The following SRGAP1 variants were observed in gnomAD, a reference collection of about 807,000 sequenced individuals.
SRGAP1 encodes SLIT-ROBO Rho GTPase-activating protein 1.
A neutral mutation model predicts 121.9 loss-of-function variants in SRGAP1; 43 were observed. That is an observed-to-expected ratio of 0.35 (90% confidence interval 0.28 to 0.46). SRGAP1 has a LOEUF of 0.46. SRGAP1 is among the 20% of genes least tolerant of loss of function. The pLI is 1.00. For synonymous variants in SRGAP1, 447 were observed against 485.4 expected, an observed-to-expected ratio of 0.92 and a Z score of 1.04; for missense variants, 1,102 against 1,350.9, an observed-to-expected ratio of 0.82 and a Z score of 2.89.
intron 1 of SRGAP1, among the ~76,000 whole-genome samples, chr12:63,852,398 G>A (rs1899106108): frequency 6.6e-6 from 1 of 152,152 alleles, no homozygotes; most frequent in African/African-American, 2.4e-5. Context: ...ATTCCAAAGT[G>A]GACTAATCTT....
chr12:63,973,531 C>CAAGT (rs2033015025), intron 1 of SRGAP1, among the ~76,000 whole-genome samples: 1 of 152,142 alleles, frequency 6.6e-6, no homozygotes, highest in Non-Finnish European at 1.5e-5. Context: ...TAAACTGTAT[C>CAAGT]AAGTACTTAC....
intron 10 of SRGAP1, among the ~76,000 whole-genome samples, chr12:64,085,395 C>T (rs1297876726): frequency 6.6e-6 from 1 of 152,126 alleles, no homozygotes; most frequent in Non-Finnish European, 1.5e-5. Context: ...TGCAACATAA[C>T]AACATAATAC....
intron 3 of SRGAP1, among the ~76,000 whole-genome samples, chr12:64,002,526 G>A (rs1593025922): frequency 6.6e-6 from 1 of 152,174 alleles, no homozygotes; most frequent in African/African-American, 2.4e-5. Context: ...GGAGATTTCA[G>A]AAGGGGTAAA....
intron 1 of SRGAP1, among the ~76,000 whole-genome samples, chr12:63,915,787 G>T (rs1291380240): frequency 6.6e-6 from 1 of 152,112 alleles, no homozygotes; most frequent in African/African-American, 2.4e-5. Context: ...AATGTGATTT[G>T]CCCTGAAGAG....
At chr12:64,117,533 C>T (rs1162613294) in intron 18 of SRGAP1, among the ~76,000 whole-genome samples, 1 of 152,112 alleles carries the variant, frequency 6.6e-6, no homozygotes, top group Non-Finnish European at 1.5e-5. Flanking sequence ...TCAATCTTTT[C>T]CTTCATGGTA....
At chr12:64,128,750 T>A (rs1446116503) in intron 21 of SRGAP1, among the ~76,000 whole-genome samples, 1 of 152,192 alleles carries the variant, frequency 6.6e-6, no homozygotes, top group Admixed American at 6.5e-5. Flanking sequence ...AATAATGTGA[T>A]CAATAATAGA....
rs2036435718 is a variant in SRGAP1 at position 64,111,912 on chromosome 12, T to C, written c.2070T>C (p.His690=). Reference sequence around the variant, plus strand: ...TTATCAAAACCATCATCATCCACCATGAGACTATTTTCCCAGATGCTAAAG... The same window carrying C: ...TTATCAAAACCATCATCATCCACCACGAGACTATTTTCCCAGATGCTAAAG... ...NEIIKTIIIH[H]ETIFPDAKEL... is the part of the protein sequence containing the mutation. The change falls in exon 17 of 22, where the codon CAT becomes CAC. Residue 690 remains histidine (H), a synonymous_variant. Transcript: ENST00000355086. The C allele has an allele frequency of 1.2e-6, 2 of 1,613,800 alleles. No individual in the cohort carries two copies. Among genetic ancestry groups the C allele is most frequent in the African/African-American group, 2.7e-5 (2 of 74,920 alleles).
At chr12:64,084,300 G>T (rs745798607) in intron 10 of SRGAP1, among the ~76,000 whole-genome samples, 1 of 152,088 alleles carries the variant, frequency 6.6e-6, no homozygotes, top group Non-Finnish European at 1.5e-5. Context: ...GTTAAGCCTG[G>T]GTTATTTTTT....
chr12:64,129,975 G>GGTTGTT (rs57651653), intron 21 of SRGAP1, among the ~76,000 whole-genome samples: 213 of 151,234 alleles, frequency 1.4e-3, no homozygotes, highest in African/African-American at 2.8e-3. Flanking sequence ...AGCAGGTCGT[G>GGTTGTT]GTTGTTGTTG....
intron 1 of SRGAP1, among the ~76,000 whole-genome samples, chr12:63,849,577 T>A (rs753684714): frequency 2.6e-5 from 4 of 152,230 alleles, no homozygotes; most frequent in Non-Finnish European, 5.9e-5. Context: ...AAATAATACA[T>A]TTTAGTAGCA....
At chr12:63,937,229 A>G (rs924789306) in intron 1 of SRGAP1, among the ~76,000 whole-genome samples, 2 of 152,234 alleles carry the variant, frequency 1.3e-5, no homozygotes, top group Admixed American at 1.3e-4. Context: ...TAAGAATTCC[A>G]GGCTAGAGTT....
intron 1 of SRGAP1, among the ~76,000 whole-genome samples, chr12:63,865,474 G>A (rs949480778): frequency 7.2e-5 from 11 of 152,004 alleles, no homozygotes; most frequent in African/African-American, 2.7e-4. Context: ...GTCCCCACCC[G>A]CCGCTGCCAA....
In SRGAP1 at chr12:64,016,693, TTC is replaced by T. The variant is rs1439979889; in HGVS notation, c.427-251_427-250del. Among the ~76,000 whole-genome samples the T allele has an allele frequency of 2.6e-5, 4 of 152,320 alleles. No homozygotes were observed. The East Asian group carries it at 7.7e-4, about 29-fold the overall frequency. ...CATGACGCTTCAACCTGCTTACTTT[TTC>T]TCTCTTTTTGGTAAAGTCTGTTTGG... On this transcript the variant is annotated intron_variant, in intron 3 of 21. Coordinates refer to ENST00000355086, the MANE Select transcript of SRGAP1 (RefSeq NM_020762.4).
Position 64,161,369 on chromosome 12 carries a change from TCCTCC to T in SRGAP1, c.*18698_*18702del, listed in dbSNP as rs1418968684. 3 of 152,180 alleles carry T rather than the reference TCCTCC, an allele frequency of 2.0e-5. No homozygotes were observed. Among genetic ancestry groups the T allele is most frequent in the Non-Finnish European group, 4.4e-5 (3 of 68,030 alleles). The allele number at this position is 152,180 out of a possible 1,614,324, so 9.4% of individuals were successfully genotyped here. A position where few individuals can be genotyped will look rare whatever the true frequency, so the allele number is the denominator to read the frequency against. On this transcript the variant is annotated 3_prime_UTR_variant, in exon 22 of 22. Transcript: ENST00000355086. ...ACTGATCCTATAATTTTACTAATTT[TCCTCC>T]AGTTTTTCATCTATTTGACTTTTTG... is the stretch of plus-strand genomic sequence containing the variant.
chr12:63,852,335 G>A lies in SRGAP1; in HGVS notation c.67+7452G>A, dbSNP rs142394045. Among the ~76,000 whole-genome samples the A allele has an allele frequency of 2.4e-3, 365 of 152,298 alleles. 1 individual carries two copies. Among genetic ancestry groups the A allele is most frequent in the African/African-American group, 7.8e-3 (324 of 41,570 alleles). Reference sequence around the variant, plus strand: ...CTGTATCTTGTTGCATTCTGATTTAGATAGGTTTTTTGAAATTCAAATACG... The same window carrying A: ...CTGTATCTTGTTGCATTCTGATTTAAATAGGTTTTTTGAAATTCAAATACG... On this transcript the variant is annotated intron_variant, in intron 1 of 21. Transcript: ENST00000355086.
rs1218396085 is a variant in SRGAP1 at position 64,144,888 on chromosome 12, A to G, written c.*2216A>G. 1 of 113,476 alleles carries G rather than the reference A, an allele frequency of 8.8e-6. No individual in the cohort carries two copies. The highest frequency in any genetic ancestry group is 1.6e-5 in the Non-Finnish European group (1 of 61,216). 7.0% of individuals were successfully genotyped at this position (113,476 alleles called of 1,614,324 possible). On this transcript the variant is annotated 3_prime_UTR_variant, in exon 22 of 22. Coordinates refer to ENST00000355086, the MANE Select transcript of SRGAP1 (RefSeq NM_020762.4). ...GAGTTGGAGTCTTGCTCTGTCGCCC[A>G]GGCCAGAGTACAGTGGTGCAATCTC... is the stretch of plus-strand genomic sequence containing the variant.
chr12:63,880,368 A>T lies in SRGAP1; in HGVS notation c.67+35485A>T, dbSNP rs1256215812. 3.3e-5 allele frequency among the ~76,000 whole-genome samples: 5 copies of T among 152,036 alleles called. No homozygotes were observed. In the East Asian group the frequency reaches 7.7e-4, roughly 23 times the overall value. On this transcript the variant is annotated intron_variant, in intron 1 of 21. Coordinates refer to ENST00000355086, the MANE Select transcript of SRGAP1 (RefSeq NM_020762.4). ...TGACTCAGCCTCCCCAGCAGCTGGG[A>T]TTACAGACGCATGCCACCCCGCCTG...
At chr12:64,096,946 G>T (rs1272745749) in intron 14 of SRGAP1, among the ~76,000 whole-genome samples, 2 of 152,160 alleles carry the variant, frequency 1.3e-5, no homozygotes, top group Non-Finnish European at 2.9e-5. Flanking sequence ...TAAAAAAAGT[G>T]GGGGTTGGGT....
intron 3 of SRGAP1, among the ~76,000 whole-genome samples, chr12:64,005,467 C>G (rs1186593130): frequency 2.6e-5 from 4 of 151,924 alleles, no homozygotes; most frequent in African/African-American, 9.7e-5. Flanking sequence ...CATAGCAAGA[C>G]CCCCATTTTA....
Sources: gnomAD v4.1 joint callset for allele counts (sites outside exome capture counted in the v4.1 genomes callset) on GRCh38, gnomAD v4.1.1 for gene constraint, MANE v1.5 for transcripts, NCBI Gene and HGNC (gene_info 2026-07-23, HGNC 2026-07-21) for gene names.